The following CACNA2D4 variants were observed in gnomAD, a reference collection of about 807,000 sequenced individuals.
CACNA2D4 encodes the protein calcium voltage-gated channel auxiliary subunit alpha2delta 4.
Under a neutral mutation model 163.8 loss-of-function variants are expected in CACNA2D4, and 157 were observed. The observed-to-expected ratio is 0.96, with a 90% CI of 0.84 to 1.09. CACNA2D4 has a LOEUF of 1.09. Among genes scored for constraint, CACNA2D4 ranks in the 50% least tolerant of loss-of-function variants. The probability of loss-of-function intolerance (pLI) is 0.00; values close to 1 mark genes in which losing one functional copy is unlikely to be tolerated. For synonymous variants in CACNA2D4, 598 were observed against 586.9 expected, an observed-to-expected ratio of 1.02 and a Z score of -0.27; for missense variants, 1,410 against 1,479.9, an observed-to-expected ratio of 0.95 and a Z score of 0.78.
chr12:1,895,792 G>C (rs561069113), intron 6 of CACNA2D4, among the ~76,000 whole-genome samples: 1 of 151,968 alleles, frequency 6.6e-6, no homozygotes, highest in South Asian at 2.1e-4. Flanking sequence ...CCACCACATG[G>C]CACATGGTTA....
chr12:1,896,652 C>CAAAAAAAA (rs1184831451), intron 6 of CACNA2D4, among the ~76,000 whole-genome samples: 2 of 117,184 alleles, frequency 1.7e-5, no homozygotes, highest in African/African-American at 6.3e-5. Flanking sequence ...CACACACACA[C>CAAAAAAAA]ACAAAACAGA....
Position 1,793,339 on chromosome 12 carries a change from T to G in CACNA2D4, c.*316A>C. ...CTGGAGTACAGGAAGAACTAAATTATTTTGTCTTGGTCCAAGCTGAGCTCA... is the reference window on the plus strand; with the variant it reads ...CTGGAGTACAGGAAGAACTAAATTAGTTTGTCTTGGTCCAAGCTGAGCTCA... On this transcript the variant is annotated 3_prime_UTR_variant, in exon 38 of 38. Coordinates refer to ENST00000382722, the MANE Select transcript of CACNA2D4 (RefSeq NM_172364.5). 1 of 411,116 alleles carries G rather than the reference T, an allele frequency of 2.4e-6. No individual in the cohort carries two copies. Among genetic ancestry groups the G allele is most frequent in the Non-Finnish European group, 4.5e-6 (1 of 222,374 alleles). The allele number at this position is 411,116 out of a possible 1,614,324, so 25.5% of individuals were successfully genotyped here. A position where few individuals can be genotyped will look rare whatever the true frequency, so the allele number is the denominator to read the frequency against.
intron 2 of CACNA2D4, among the ~76,000 whole-genome samples, chr12:1,914,263 C>T (rs1866905101): frequency 6.6e-6 from 1 of 152,200 alleles, no homozygotes; most frequent in African/African-American, 2.4e-5. Flanking sequence ...GGGTGAGCTG[C>T]CATTGGAACT....
At position 1,907,848 on chromosome 12, in the gene CACNA2D4, TGTGCCTGAGCTGAGC is replaced by T; in HGVS notation, c.649+12_649+26del. 2 of 1,612,670 alleles carry T rather than the reference TGTGCCTGAGCTGAGC, an allele frequency of 1.2e-6. No individual in the cohort carries two copies. Among genetic ancestry groups the T allele is most frequent in the Non-Finnish European group, 1.7e-6 (2 of 1,179,402 alleles). ...GTGCTAGGTGGGCGTGCCTGGTGAG[TGTGCCTGAGCTGAGC>T]GTGCCGGCTACCTTTGTTGTACACG... On this transcript the variant is annotated intron_variant, in intron 5 of 37. Transcript: ENST00000382722.
At chr12:1,805,246 A>G (rs1863494953) in intron 29 of CACNA2D4, among the ~76,000 whole-genome samples, 1 of 152,168 alleles carries the variant, frequency 6.6e-6, no homozygotes, top group Non-Finnish European at 1.5e-5. Context: ...AGCACCACCC[A>G]GAAGCCTGCG....
chr12:1,841,269 G>C (rs1865018972), intron 25 of CACNA2D4, among the ~76,000 whole-genome samples: 1 of 152,212 alleles, frequency 6.6e-6, no homozygotes, highest in Non-Finnish European at 1.5e-5. Context: ...CAGGAAGCCA[G>C]ATGCCACAGC....
intron 26 of CACNA2D4, among the ~76,000 whole-genome samples, chr12:1,826,412 C>CTG (rs1555177864): frequency 2.4e-5 from 1 of 41,630 alleles, no homozygotes; most frequent in Non-Finnish European, 9.1e-5. Context: ...CCCCCCCCCC[C>CTG]CCCCGCCAAC....
At position 1,869,409 on chromosome 12, in the gene CACNA2D4, A is replaced by G. The variant is rs1475245614; in HGVS notation, c.1878+5195T>C. 2.6e-5 allele frequency among the ~76,000 whole-genome samples: 4 copies of G among 152,182 alleles called. No individual in the cohort carries two copies. Among genetic ancestry groups the G allele is most frequent in the Non-Finnish European group, 4.4e-5 (3 of 68,040 alleles). ...CCGCTGCTGCTGGCTCTCCTCCTTC[A>G]GTTTCCCTGAGACCTAACCTGGTGA... is the stretch of plus-strand genomic sequence containing the variant. On this transcript the variant is annotated intron_variant, in intron 18 of 37. Coordinates refer to ENST00000382722, the MANE Select transcript of CACNA2D4 (RefSeq NM_172364.5). This position sits in a 1 kb window ranked among gnomAD's most constrained non-coding sequence, Gnocchi z 4.7.
At chr12:1,916,515 C>T (rs1389866480) in intron 1 of CACNA2D4, among the ~76,000 whole-genome samples, 1 of 152,110 alleles carries the variant, frequency 6.6e-6, no homozygotes, top group Non-Finnish European at 1.5e-5. Flanking sequence ...GAGTGTGCAG[C>T]GTGAGATCTC....
chr12:1,909,914 A>G lies in CACNA2D4; in HGVS notation c.478T>C (p.Ser160Pro). 6.2e-7 allele frequency: 1 copy of G among 1,613,606 alleles called. No homozygotes were observed. Among genetic ancestry groups the G allele is most frequent in the Non-Finnish European group, 8.5e-7 (1 of 1,179,684 alleles). Residue 160 changes from serine (S) to proline (P), a missense_variant, in exon 4 of 38, where the codon TCC becomes CCC. Ser to Pro is a moderately conservative substitution (Grantham distance 74). Coordinates refer to ENST00000382722, the MANE Select transcript of CACNA2D4 (RefSeq NM_172364.5). ...EADLNHEFNE[S>P]LVFDYYNSVL... is the part of the protein sequence containing the mutation. ...CCAGGAGTGGGACTCACCACCAGGG[A>G]TTCATTGAATTCGTGGTTCAGGTCG...
chr12:1,850,606 T>TA (rs1460700215), intron 23 of CACNA2D4, among the ~76,000 whole-genome samples: 9 of 152,028 alleles, frequency 5.9e-5, no homozygotes, highest in Non-Finnish European at 7.4e-5. Flanking sequence ...TTCTTTTTTT[T>TA]AAAAAAAGAT....
rs779959638 is a variant in CACNA2D4, at chr12:1,801,576, G to A, written c.2790C>T (p.Ser930=). 4.4e-5 allele frequency: 69 copies of A among 1,585,114 alleles called. No individual in the cohort carries two copies. The Admixed American group carries it at 1.1e-3, about 26-fold the overall frequency. The change falls in exon 30 of 38, where the codon AGC becomes AGT. Residue 930 remains serine, a splice_region_variant and synonymous_variant. Transcript: ENST00000382722. ...LTQLLSMGVF[S]QVTMYDYQAM... is the part of the protein sequence containing the mutation. ...GGGGAGGAGTGTGCCCCACTTACTG[G>A]CTGAACACCCCCATGCTGAGCAGCT...
intron 22 of CACNA2D4, among the ~76,000 whole-genome samples, chr12:1,854,621 A>G (rs1396988247): frequency 6.6e-6 from 1 of 152,026 alleles, no homozygotes; most frequent in Admixed American, 6.5e-5. Flanking sequence ...GGCCAGGCTG[A>G]TCTAGAACTC....
chr12:1,878,580 G>T lies in CACNA2D4; in HGVS notation c.1645-191C>A. The T allele has an allele frequency of 9.6e-7, 1 of 1,041,206 alleles. No homozygotes were observed. Among genetic ancestry groups the T allele is most frequent in the Non-Finnish European group, 1.4e-6 (1 of 701,952 alleles). The allele number at this position is 1,041,206 out of a possible 1,614,324, so 64.5% of individuals were successfully genotyped here. The stretch of plus-strand genomic sequence containing the variant: ...TGAGGAGTCCTTTCCAAACCGGACT[G>T]TTTATAGCAACCGTCATCATACATA... On this transcript the variant is annotated intron_variant, in intron 15 of 37. Transcript: ENST00000382722. The surrounding 1 kb of genome is among the most constrained non-coding windows in gnomAD (Gnocchi z 4.6).
At chr12:1,866,304 A>G (rs1865650041) in intron 18 of CACNA2D4, among the ~76,000 whole-genome samples, 2 of 152,338 alleles carry the variant, frequency 1.3e-5, no homozygotes, top group Admixed American at 1.3e-4. Flanking sequence ...TGTTAAATTA[A>G]CTTTAAATTT....
intron 11 of CACNA2D4, 54 bp downstream of exon 11, chr12:1,884,714 A>G (rs1592733272): frequency 8.3e-7 from 1 of 1,199,310 alleles, no homozygotes. Context: ...TGGTGATCCC[A>G]TCCATGGCAG....
intron 16 of CACNA2D4, among the ~76,000 whole-genome samples, chr12:1,877,557 G>T (rs957628829): frequency 4.6e-5 from 7 of 152,190 alleles, no homozygotes; most frequent in African/African-American, 9.7e-5. Context: ...GGAATGAATG[G>T]AGTGTGGCTT....
At chr12:1,852,752 G>T (rs913791740) in intron 23 of CACNA2D4, among the ~76,000 whole-genome samples, 3 of 152,138 alleles carry the variant, frequency 2.0e-5, no homozygotes, top group Admixed American at 2.0e-4. Context: ...AAACCTATTT[G>T]CTCCAGCCCT....
chr12:1,796,569 C>A (rs973454620), intron 35 of CACNA2D4, among the ~76,000 whole-genome samples: 2 of 152,234 alleles, frequency 1.3e-5, no homozygotes, highest in Non-Finnish European at 2.9e-5. Flanking sequence ...CGAGCCTTTG[C>A]GACAAGTGCA....
Sources: gnomAD v4.1 joint callset for allele counts (sites outside exome capture counted in the v4.1 genomes callset) on GRCh38, gnomAD v4.1.1 for gene constraint, Gnocchi (gnomAD v3.1) non-coding constraint, MANE v1.5 for transcripts, NCBI Gene and HGNC (gene_info 2026-07-23, HGNC 2026-07-21) for gene names.